Variants in CADPS2 observed in about 807,000 individuals in gnomAD.
CADPS2 encodes calcium-dependent secretion activator 2.
Under a neutral mutation model 172.5 loss-of-function variants are expected in CADPS2, and 93 were observed. The observed-to-expected ratio is 0.54, with a 90% CI of 0.46 to 0.64. The LOEUF (loss-of-function observed/expected upper bound fraction) is 0.64. Among genes scored for constraint, CADPS2 ranks in the 30% least tolerant of loss-of-function variants. The pLI, the probability that CADPS2 is intolerant of heterozygous loss-of-function variation, is 0.00. For synonymous variants in CADPS2, 546 were observed against 555.2 expected, an observed-to-expected ratio of 0.98 and a Z score of 0.23; for missense variants, 1,420 against 1,565.9, an observed-to-expected ratio of 0.91 and a Z score of 1.57.
At chr7:122,716,408 G>A (rs943210134) in intron 2 of CADPS2, among the ~76,000 whole-genome samples, 1 of 152,144 alleles carries the variant, frequency 6.6e-6, no homozygotes, top group Admixed American at 6.6e-5. Context: ...TACAACCTAC[G>A]TCTCTACTCC....
At chr7:122,728,525 G>A (rs969718363) in intron 2 of CADPS2, among the ~76,000 whole-genome samples, 6 of 151,660 alleles carry the variant, frequency 4.0e-5, no homozygotes, top group African/African-American at 1.2e-4. Flanking sequence ...AAGTAAGAGT[G>A]TGTATAAAGA....
At chr7:122,433,601 C>A (rs190581277) in intron 17 of CADPS2, among the ~76,000 whole-genome samples, 23 of 152,166 alleles carry the variant, frequency 1.5e-4, no homozygotes, top group Admixed American at 3.3e-4. Context: ...CAGGGTTTCA[C>A]CATGTTGGTC....
chr7:122,772,581 A>G (rs1407202225), intron 1 of CADPS2, among the ~76,000 whole-genome samples: 1 of 152,212 alleles, frequency 6.6e-6, no homozygotes, highest in Non-Finnish European at 1.5e-5. Context: ...CTGTATAGTA[A>G]GAATAATTGT....
intron 1 of CADPS2, among the ~76,000 whole-genome samples, chr7:122,809,308 G>A (rs957997593): frequency 1.4e-4 from 21 of 151,516 alleles, no homozygotes; most frequent in Non-Finnish European, 2.5e-4. Context: ...AGTGGCTCAC[G>A]CCTATAATCC....
At chr7:122,684,217 A>C (rs556951054) in intron 2 of CADPS2, among the ~76,000 whole-genome samples, 4 of 152,136 alleles carry the variant, frequency 2.6e-5, no homozygotes, top group Non-Finnish European at 4.4e-5. Flanking sequence ...TTAAATTGAT[A>C]TCATTATATG....
chr7:122,414,066 ACCTCTCTTC>A lies in CADPS2; in HGVS notation c.2582_2589+1del. ...TAAAATAGTGGAAATCATTTTACTCACCTCTCTTCCCTGAGGGTTTCCAAGAATTTGGAA... is the reference window on the plus strand; with the variant it reads ...TAAAATAGTGGAAATCATTTTACTCACCTGAGGGTTTCCAAGAATTTGGAA... On this transcript the variant is annotated splice_donor_variant and coding_sequence_variant, in exon 19 of 30. Transcript: ENST00000449022. LOFTEE classifies it high-confidence loss of function. 6.5e-7 allele frequency: 1 copy of A among 1,548,148 alleles called. No homozygotes were observed. The highest frequency in any genetic ancestry group is 8.6e-7 in the Non-Finnish European group (1 of 1,160,340).
At chr7:122,571,271 A>G (rs541918305) in intron 7 of CADPS2, among the ~76,000 whole-genome samples, 1 of 152,252 alleles carries the variant, frequency 6.6e-6, no homozygotes, top group African/African-American at 2.4e-5. Context: ...CTAAGTGCCA[A>G]TTAAAACCAT....
At chr7:122,823,191 CA>C (rs1193205260) in intron 1 of CADPS2, among the ~76,000 whole-genome samples, 1 of 151,940 alleles carries the variant, frequency 6.6e-6, no homozygotes, top group African/African-American at 2.4e-5. Flanking sequence ...GAGTATACTC[CA>C]AAAAAATTCA....
At chr7:122,436,261 G>A in intron 17 of CADPS2, 1 of 594,884 alleles carries the variant, frequency 1.7e-6, no homozygotes. Flanking sequence ...CATTAAATAT[G>A]TACAGCTTGC....
At chr7:122,631,714 T>C (rs763899505) in intron 3 of CADPS2, among the ~76,000 whole-genome samples, 17 of 151,454 alleles carry the variant, frequency 1.1e-4, no homozygotes, top group Non-Finnish European at 2.1e-4. Flanking sequence ...TAATTTCAGA[T>C]TTGGAGGGGG....
chr7:122,756,846 G>A (rs2093181003), intron 1 of CADPS2, among the ~76,000 whole-genome samples: 1 of 151,836 alleles, frequency 6.6e-6, no homozygotes, highest in Admixed American at 6.6e-5. Flanking sequence ...GTTGCAGTGA[G>A]CCAAGATTGC....
At chr7:122,568,878 T>A (rs1267551927) in intron 7 of CADPS2, among the ~76,000 whole-genome samples, 1 of 152,092 alleles carries the variant, frequency 6.6e-6, no homozygotes, top group Non-Finnish European at 1.5e-5. Flanking sequence ...GAAATATGAT[T>A]AAGAGAATAA....
intron 17 of CADPS2, among the ~76,000 whole-genome samples, chr7:122,430,476 A>T (rs535554787): frequency 6.6e-6 from 1 of 152,226 alleles, no homozygotes; most frequent in African/African-American, 2.4e-5. Context: ...AACAAGGCAC[A>T]TGATTTAAAA....
At chr7:122,332,766 A>G (rs1247438494) in intron 28 of CADPS2, among the ~76,000 whole-genome samples, 1 of 152,228 alleles carries the variant, frequency 6.6e-6, no homozygotes, top group African/African-American at 2.4e-5. Context: ...TGGGAGCTGC[A>G]CAAGCTCTTT....
chr7:122,805,772 G>A (rs963577338), intron 1 of CADPS2, among the ~76,000 whole-genome samples: 2 of 152,102 alleles, frequency 1.3e-5, no homozygotes, highest in Non-Finnish European at 2.9e-5. Flanking sequence ...CAGGAAATAC[G>A]TGCCCTATAA....
chr7:122,838,784 C>A (rs577202773), intron 1 of CADPS2, among the ~76,000 whole-genome samples: 1 of 152,142 alleles, frequency 6.6e-6, no homozygotes, highest in Non-Finnish European at 1.5e-5. Flanking sequence ...AAAGAGAACA[C>A]AAACAAATGG....
intron 7 of CADPS2, among the ~76,000 whole-genome samples, chr7:122,566,866 T>C (rs2066539498): frequency 6.6e-6 from 1 of 152,206 alleles, no homozygotes; most frequent in African/African-American, 2.4e-5. Context: ...TTTGTTCACC[T>C]ATCCCTCCAA....
intron 13 of CADPS2, among the ~76,000 whole-genome samples, chr7:122,473,735 G>A (rs530043005): frequency 6.6e-6 from 1 of 152,256 alleles, no homozygotes; most frequent in South Asian, 2.1e-4. Flanking sequence ...ATATTCTGAG[G>A]TGTCAAGCAT....
At chr7:122,838,159 A>C (rs1432354670) in intron 1 of CADPS2, among the ~76,000 whole-genome samples, 1 of 152,220 alleles carries the variant, frequency 6.6e-6, no homozygotes, top group Non-Finnish European at 1.5e-5. Flanking sequence ...CAGCATATAA[A>C]CAGAACCAAA....
Sources: gnomAD v4.1 joint callset for allele counts (sites outside exome capture counted in the v4.1 genomes callset) on GRCh38, gnomAD v4.1.1 for gene constraint, MANE v1.5 for transcripts, NCBI Gene and HGNC (gene_info 2026-07-23, HGNC 2026-07-21) for gene names.